The following NELFA variants were observed in gnomAD, a reference collection of about 807,000 sequenced individuals.
The protein encoded by NELFA is negative elongation factor A.
NELFA carries 35 observed loss-of-function variants against 51.8 expected under a neutral mutation model. The observed-to-expected ratio is 0.68, with a 90% CI of 0.52 to 0.90. NELFA has a LOEUF of 0.90. Ranked by LOEUF, NELFA falls within the 40% of genes least tolerant of loss-of-function variation. The pLI, the probability that NELFA is intolerant of heterozygous loss-of-function variation, is 0.00. For missense variants in NELFA, 658 were observed against 746.4 expected (o/e 0.88, Z 1.38); for synonymous variants, 417 against 338.4 (o/e 1.23, Z -2.55).
rs375025131 is a variant in NELFA, at chr4:1,986,132, G to A, written c.817C>T (p.Arg273Trp). The A allele has an allele frequency of 1.3e-6, 2 of 1,552,720 alleles. No homozygotes were observed. The highest frequency in any genetic ancestry group is 1.7e-6 in the Non-Finnish European group (2 of 1,147,872). ...DMVGAGREAK[R>W]RRKTLDAEVV... The stretch of plus-strand genomic sequence containing the variant: ...CCCCCACCGAGAGTCTTCCTTCTCC[G>A]CTTCGCCTCTCGGCCAGCGCCAACC... The change falls in exon 6 of 11, where the codon CGG (arginine) becomes TGG (tryptophan). Residue 273 changes from arginine to tryptophan, a missense_variant. Arg to Trp is a moderately radical substitution (Grantham distance 101). Transcript: ENST00000382882.
At chr4:1,993,439 C>A (rs938755812) in intron 1 of NELFA, among the ~76,000 whole-genome samples, 4 of 151,992 alleles carry the variant, frequency 2.6e-5, no homozygotes, top group African/African-American at 9.7e-5. Context: ...ATTAGCCGGG[C>A]GTGGTAGCGC....
Position 1,983,095 on chromosome 4 carries a change from A to C in NELFA, c.*224T>G. 3 of 448,104 alleles carry C rather than the reference A, an allele frequency of 6.7e-6. No homozygotes were observed. The highest frequency in any genetic ancestry group is 4.0e-5 in the Admixed American group (1 of 25,146). The allele number at this position is 448,104 out of a possible 1,614,324, so 27.8% of individuals were successfully genotyped here. A position where few individuals can be genotyped will look rare whatever the true frequency, so the allele number is the denominator to read the frequency against. Reference sequence around the variant, plus strand: ...TCAAAAATGTAACGTTGAGTCCAAAAAGTGTCTTAAATCACACAAAAAAGA... The same window carrying C: ...TCAAAAATGTAACGTTGAGTCCAAACAGTGTCTTAAATCACACAAAAAAGA... On this transcript the variant is annotated 3_prime_UTR_variant, in exon 11 of 11. Transcript: ENST00000382882.
At chr4:1,990,458 C>A (rs1560867802) in intron 2 of NELFA, 2 of 456,742 alleles carry the variant, frequency 4.4e-6, no homozygotes, top group East Asian at 1.4e-4. Context: ...AGTTCACCGG[C>A]CTCAGCCTTC....
In NELFA at chr4:1,994,122, G is replaced by A. The variant is rs116007028; in HGVS notation, c.211-2407C>T. Reference sequence around the variant, plus strand: ...CTAAGCTTTTCAGAGGAATAGGGCCGGGTATAGTGGCTCACGCCTGTGGTT... The same window carrying A: ...CTAAGCTTTTCAGAGGAATAGGGCCAGGTATAGTGGCTCACGCCTGTGGTT... On this transcript the variant is annotated intron_variant, in intron 1 of 10. Transcript: ENST00000382882. Among the ~76,000 whole-genome samples, 768 of 152,264 alleles carry A rather than the reference G, an allele frequency of 5.0e-3. 7 individuals are homozygous for A. The highest frequency in any genetic ancestry group is 0.017 in the African/African-American group (718 of 41,550).
At chr4:2,004,039 G>A (rs1728643498) in intron 1 of NELFA, 1 of 151,946 alleles carries the variant, frequency 6.6e-6, no homozygotes, top group Non-Finnish European at 1.5e-5. Context: ...CGTGTCTCTA[G>A]TCCCAGCTAC....
Position 1,983,427 on chromosome 4 carries a change from G to A in NELFA, c.1479C>T (p.Asp493=), listed in dbSNP as rs143453281. 1.2e-4 allele frequency: 192 copies of A among 1,614,192 alleles called. 2 individuals carry two copies. The highest frequency in any genetic ancestry group is 7.3e-4 in the Admixed American group (44 of 60,034). ...CCAGCATGGTTGTGCTACCCTGGCC[G>A]TCCGCCTTGGGCAGGTCCTCCGTGT... ...SEHTEDLPKA[D]GQGSTTMLVD... Residue 493 remains aspartate (D), a synonymous_variant, in exon 11 of 11, where the codon GAC becomes GAT. Transcript: ENST00000382882.
At position 1,984,070 on chromosome 4, in the gene NELFA, G is replaced by T. The variant is rs2234571; in HGVS notation, c.1080C>A (p.Ser360Arg). The T allele has an allele frequency of 6.3e-7, 1 of 1,595,820 alleles. No homozygotes were observed. The highest frequency in any genetic ancestry group is 1.1e-5 in the South Asian group (1 of 89,916). The change falls in exon 9 of 11, where the codon AGC becomes AGA. Residue 360 changes from serine to arginine, a missense_variant. Physicochemically the swap from Ser to Arg is moderately radical, Grantham distance 110. Coordinates refer to ENST00000382882, the MANE Select transcript of NELFA (RefSeq NM_005663.5). ...REASRPPEEPSAPSPTLPAQF... is the reference protein window; with the variant it reads ...REASRPPEEPRAPSPTLPAQF... ...GCGCTGGCAACGTGGGGCTCGGGGC[G>T]CTGGGCTCCTCTGGTGGGCGGCTGG...
At chr4:1,999,322 A>C (rs979926603) in intron 1 of NELFA, among the ~76,000 whole-genome samples, 1 of 151,880 alleles carries the variant, frequency 6.6e-6, no homozygotes, top group Non-Finnish European at 1.5e-5. Flanking sequence ...AAATGGGCTG[A>C]ATGCCCCAAT....
chr4:1,989,776 G>A lies in NELFA; in HGVS notation c.476C>T (p.Pro159Leu), dbSNP rs184076635. Residue 159 changes from proline to leucine, a missense_variant, in exon 3 of 11, where the codon CCG (proline) becomes CTG (leucine). Coordinates refer to ENST00000382882, the MANE Select transcript of NELFA (RefSeq NM_005663.5). The surrounding 1 kb of genome is among the most constrained non-coding windows in gnomAD (Gnocchi z 4.8). ...CCGCTTTAACTGAAAATGCTTCACC[G>A]GGGGAGTGAGGGGTCCCGCGAGGGT... is the stretch of plus-strand genomic sequence containing the variant. ...LTTLAGPLTP[P>L]VKHFQLKRKP... 5.9e-5 allele frequency: 95 copies of A among 1,614,138 alleles called. 1 individual carries two copies. The Middle Eastern group carries it at 1.3e-3, about 22-fold the overall frequency.
intron 9 of NELFA, 65 bp downstream of exon 9, chr4:1,983,783 A>G: frequency 4.4e-6 from 7 of 1,591,898 alleles, no homozygotes; most frequent in Non-Finnish European, 6.0e-6. Flanking sequence ...CCCCCACGCT[A>G]GGGGAGGTGG....
chr4:1,987,210 C>T (rs1011106709), intron 4 of NELFA, among the ~76,000 whole-genome samples: 5 of 152,184 alleles, frequency 3.3e-5, no homozygotes, highest in African/African-American at 9.7e-5. Context: ...GCATGGAGAG[C>T]GCCTGTAAGG....
chr4:1,990,524 G>A (rs1232810296), intron 2 of NELFA: 1 of 456,568 alleles, frequency 2.2e-6, no homozygotes, highest in Non-Finnish European at 4.4e-6. Flanking sequence ...GACCTGTCCA[G>A]ACCACTGCTC....
rs769928538 is a variant in NELFA, at chr4:1,983,742, C to T, written c.1303-47G>A. On this transcript the variant is annotated intron_variant, in intron 9 of 10. Transcript: ENST00000382882. ...GGGTGCCAGGGCCCCGCCAGGACCA[C>T]CTCCTGCATCCCCCTGCAGGCACCG... is the stretch of plus-strand genomic sequence containing the variant. 4 of 1,607,866 alleles carry T rather than the reference C, an allele frequency of 2.5e-6. No homozygotes were observed. In the Admixed American group the frequency reaches 5.0e-5, roughly 20 times the overall value.
At chr4:1,990,144 A>G in intron 2 of NELFA, 1 of 497,424 alleles carries the variant, frequency 2.0e-6, no homozygotes, top group East Asian at 3.7e-5. Context: ...CCACAGGCGG[A>G]CATAGATACA....
intron 1 of NELFA, among the ~76,000 whole-genome samples, chr4:2,002,130 G>A (rs938422976): frequency 2.1e-4 from 32 of 151,796 alleles, no homozygotes; most frequent in Non-Finnish European, 4.1e-4. Context: ...AACCCGGGAG[G>A]CGGAGCTTGC....
intron 4 of NELFA, 22 bp downstream of exon 4, chr4:1,987,896 G>T: frequency 6.3e-7 from 1 of 1,581,422 alleles, no homozygotes; most frequent in African/African-American, 1.3e-5. Flanking sequence ...CAAGGCTCAC[G>T]GCACCAGGGT....
chr4:1,992,349 G>A, intron 1 of NELFA: 1 of 283,112 alleles, frequency 3.5e-6, no homozygotes, highest in Non-Finnish European at 7.2e-6. Flanking sequence ...GCCTTGGGGA[G>A]GCCATGGGCG....
In NELFA at chr4:1,987,861, G is replaced by A. The variant is rs1043028514; in HGVS notation, c.634+57C>T. The A allele has an allele frequency of 1.9e-5, 27 of 1,435,192 alleles. No individual in the cohort carries two copies. In the African/African-American group the frequency reaches 3.2e-4, roughly 17 times the overall value. The allele number at this position is 1,435,192 out of a possible 1,614,324, so 88.9% of individuals were successfully genotyped here. A position where few individuals can be genotyped will look rare whatever the true frequency, so the allele number is the denominator to read the frequency against. ...CCCAACAGGGAGCGGGTCTCCAGGT[G>A]AAGCCCTTAGCTCTGCCCCAAAAGC... On this transcript the variant is annotated intron_variant, in intron 4 of 10. Transcript: ENST00000382882.
chr4:1,986,109 C>T lies in NELFA; in HGVS notation c.835+5G>A. On this transcript the variant is annotated splice_donor_5th_base_variant and intron_variant, in intron 6 of 10. Coordinates refer to ENST00000382882, the MANE Select transcript of NELFA (RefSeq NM_005663.5). ...TGCCGCCGACACGCAGGCCCCAACCCCCACCGAGAGTCTTCCTTCTCCGCT... is the reference window on the plus strand; with the variant it reads ...TGCCGCCGACACGCAGGCCCCAACCTCCACCGAGAGTCTTCCTTCTCCGCT... The T allele has an allele frequency of 6.4e-7, 1 of 1,550,708 alleles. No homozygotes were observed. Among genetic ancestry groups the T allele is most frequent in the African/African-American group, 1.4e-5 (1 of 72,930 alleles).
Sources: gnomAD v4.1 joint callset for allele counts (sites outside exome capture counted in the v4.1 genomes callset) on GRCh38, gnomAD v4.1.1 for gene constraint, Gnocchi (gnomAD v3.1) non-coding constraint, MANE v1.5 for transcripts, NCBI Gene and HGNC (gene_info 2026-07-23, HGNC 2026-07-21) for gene names.